The following NRF1 variants were observed in gnomAD, a reference collection of about 807,000 sequenced individuals.
The protein encoded by NRF1 is alpha palindromic-binding protein.
NRF1 carries 5 observed loss-of-function variants against 58.5 expected under a neutral mutation model. That is an observed-to-expected ratio of 0.09 (90% CI 0.04 to 0.18). The LOEUF is 0.18. Ranked by LOEUF, NRF1 falls within the 10% of genes least tolerant of loss-of-function variation. NRF1 has a pLI of 1.00. For missense variants in NRF1, 288 were observed against 657.7 expected, an observed-to-expected ratio of 0.44 and a Z score of 6.15; for synonymous variants, 224 against 246.7, an observed-to-expected ratio of 0.91 and a Z score of 0.86.
intron 4 of NRF1, among the ~76,000 whole-genome samples, chr7:129,680,766 G>A (rs965571153): frequency 1.3e-5 from 2 of 152,236 alleles, no homozygotes; most frequent in Non-Finnish European, 2.9e-5. Flanking sequence ...TATAGAGAGA[G>A]AGTGGATTAG....
At chr7:129,746,384 A>G (rs1464850014) in intron 10 of NRF1, among the ~76,000 whole-genome samples, 6 of 152,064 alleles carry the variant, frequency 3.9e-5, no homozygotes, top group Non-Finnish European at 8.8e-5. Context: ...AGTCCTTGGT[A>G]TTCTCAGCCT....
intron 4 of NRF1, among the ~76,000 whole-genome samples, chr7:129,687,554 G>A (rs1246009245): frequency 6.6e-6 from 1 of 152,178 alleles, no homozygotes; most frequent in African/African-American, 2.4e-5. Flanking sequence ...GGGATTACAG[G>A]CGTGAGCCAC....
At chr7:129,699,869 G>A (rs1802779783) in intron 5 of NRF1, among the ~76,000 whole-genome samples, 1 of 152,010 alleles carries the variant, frequency 6.6e-6, no homozygotes, top group Admixed American at 6.6e-5. Flanking sequence ...GCCGGGCGCA[G>A]TGGCTCATGC....
intron 10 of NRF1, chr7:129,734,921 C>T (rs954201034): frequency 7.2e-5 from 22 of 304,624 alleles, no homozygotes; most frequent in African/African-American, 4.3e-4. Context: ...ACTCTTTCAG[C>T]CTTCCCACCT....
intron 1 of NRF1, among the ~76,000 whole-genome samples, chr7:129,642,756 A>AT (rs1562957544): frequency 8.4e-5 from 11 of 131,682 alleles, no homozygotes; most frequent in Non-Finnish European, 1.8e-4. Context: ...TTCTTTAAAA[A>AT]ATTTTTTTTT....
intron 7 of NRF1, 48 bp downstream of exon 7, chr7:129,710,619 G>A (rs770091399): frequency 2.1e-6 from 2 of 944,042 alleles, no homozygotes; most frequent in African/African-American, 3.2e-5. Context: ...AGATGGATCA[G>A]TGGGCACCTC....
At chr7:129,713,373 T>C (rs1362719995) in intron 8 of NRF1, among the ~76,000 whole-genome samples, 2 of 152,134 alleles carry the variant, frequency 1.3e-5, no homozygotes, top group Admixed American at 1.3e-4. Flanking sequence ...ATATATAGTA[T>C]ATATAATTCT....
chr7:129,679,915 A>G (rs1310440713), intron 4 of NRF1, among the ~76,000 whole-genome samples: 3 of 149,024 alleles, frequency 2.0e-5, no homozygotes, highest in Non-Finnish European at 3.0e-5. Context: ...AAAATTAGCC[A>G]GACGTGGTGG....
chr7:129,635,699 C>T (rs1008676412), intron 1 of NRF1, among the ~76,000 whole-genome samples: 3 of 152,108 alleles, frequency 2.0e-5, no homozygotes, highest in East Asian at 1.9e-4. Context: ...TCGTTTAAGT[C>T]AGGATGCATG....
chr7:129,670,071 A>G (rs573725970), intron 2 of NRF1, among the ~76,000 whole-genome samples: 1 of 152,352 alleles, frequency 6.6e-6, no homozygotes, highest in South Asian at 2.1e-4. Context: ...GGACATTATG[A>G]TAAGTGAAAC....
chr7:129,669,574 A>G (rs189041361), intron 2 of NRF1, among the ~76,000 whole-genome samples: 2 of 152,340 alleles, frequency 1.3e-5, no homozygotes, highest in African/African-American at 4.8e-5. Flanking sequence ...CTCAGCTGCA[A>G]GAAACCAAAT....
intron 2 of NRF1, among the ~76,000 whole-genome samples, chr7:129,666,535 CTGT>C (rs1214473029): frequency 4.6e-5 from 7 of 152,048 alleles, no homozygotes; most frequent in African/African-American, 1.7e-4. Flanking sequence ...ATTTCTTTTT[CTGT>C]TGTTGTTTTT....
chr7:129,755,804 C>G lies in NRF1; in HGVS notation c.*623C>G, dbSNP rs928044829. ...TGCTGGACTCACCTGAGGAAAGAGG[C>G]TCCAGCATGGGGTGGGTCAGAGATG... On this transcript the variant is annotated 3_prime_UTR_variant, in exon 11 of 11. Transcript: ENST00000393232. This position sits in a 1 kb window ranked among gnomAD's most constrained non-coding sequence, Gnocchi z 5.8. 1.3e-5 allele frequency: 2 copies of G among 152,704 alleles called. No homozygotes were observed. The highest frequency in any genetic ancestry group is 4.8e-5 in the African/African-American group (2 of 41,430). 9.5% of individuals were successfully genotyped at this position (152,704 alleles called of 1,614,324 possible).
At chr7:129,725,776 CA>C (rs1293392470) in intron 9 of NRF1, among the ~76,000 whole-genome samples, 3 of 152,098 alleles carry the variant, frequency 2.0e-5, no homozygotes, top group African/African-American at 7.2e-5. Context: ...CTGTTTAAAA[CA>C]CAGGCATAAA....
intron 8 of NRF1, among the ~76,000 whole-genome samples, chr7:129,713,416 A>C (rs1033411377): frequency 6.6e-6 from 1 of 152,258 alleles, no homozygotes. Flanking sequence ...CAAAAACATT[A>C]GAGACGTGAA....
chr7:129,672,225 G>C (rs1397426959), intron 3 of NRF1, among the ~76,000 whole-genome samples: 1 of 122,136 alleles, frequency 8.2e-6, no homozygotes, highest in Non-Finnish European at 1.7e-5. Context: ...TTTTTTGATA[G>C]ATGTGGTCTT....
Position 129,741,401 on chromosome 7 carries a change from T to G in NRF1, c.1349-13617T>G, listed in dbSNP as rs1444412222. 6.6e-6 allele frequency among the ~76,000 whole-genome samples: 1 copy of G among 152,180 alleles called. No homozygotes were observed. The highest frequency in any genetic ancestry group is 6.5e-5 in the Admixed American group (1 of 15,272). On this transcript the variant is annotated intron_variant, in intron 10 of 10. Transcript: ENST00000393232. This position sits in a 1 kb window ranked among gnomAD's most constrained non-coding sequence, Gnocchi z 4.0. ...CGGAGTCTTTGTATGTAAAGGCAGATTTTGGTCTTAGATTATTCCAGCTCC... is the reference window on the plus strand; with the variant it reads ...CGGAGTCTTTGTATGTAAAGGCAGAGTTTGGTCTTAGATTATTCCAGCTCC...
chr7:129,745,511 C>CT (rs1009190445), intron 10 of NRF1, among the ~76,000 whole-genome samples: 2 of 149,352 alleles, frequency 1.3e-5, no homozygotes, highest in East Asian at 2.0e-4. Context: ...CCTCAACCCC[C>CT]CCCCCATCCA....
In NRF1 at chr7:129,710,401, A is replaced by G. The variant is rs770066726; in HGVS notation, c.793A>G (p.Ile265Val). 1 of 1,614,200 alleles carries G rather than the reference A, an allele frequency of 6.2e-7. No individual in the cohort carries two copies. Among genetic ancestry groups the G allele is most frequent in the Non-Finnish European group, 8.5e-7 (1 of 1,180,032 alleles). Reference protein sequence around the residue: ...RVSWTQALRTIVKNCYKQHGR... With the variant: ...RVSWTQALRTVVKNCYKQHGR... ...TTCATGGACCCAGGCACTACGGACC[A>G]TAGTTAAAAACTGTTATAAACAGCA... is the stretch of plus-strand genomic sequence containing the variant. The change falls in exon 7 of 11, where the codon ATA (isoleucine) becomes GTA (valine). Residue 265 changes from isoleucine (I) to valine (V), a missense_variant. Around this residue, in one of 3 missense-constraint regions of NRF1, gnomAD observed 212 missense variants for 559.7 expected, o/e 0.38. Coordinates refer to ENST00000393232, the MANE Select transcript of NRF1 (RefSeq NM_005011.5).
Sources: allele counts gnomAD v4.1 joint callset (sites outside exome capture counted in the v4.1 genomes callset), GRCh38; gene constraint gnomAD v4.1.1; regional missense constraint gnomAD v4.1.1; non-coding constraint Gnocchi (gnomAD v3.1); transcripts MANE v1.5; gene names NCBI Gene and HGNC (gene_info 2026-07-23, HGNC 2026-07-21).